Variants in CACHD1 observed in about 807,000 individuals in gnomAD.
The protein encoded by CACHD1 is VWFA and cache domain-containing protein 1.
In CACHD1, 71 loss-of-function variants were observed where a neutral mutation model predicts 138.7. The ratio of observed to expected loss-of-function variants is 0.51; its 90% CI spans 0.42 to 0.62. The LOEUF is 0.62. Among genes scored for constraint, CACHD1 ranks in the 20% least tolerant of loss-of-function variants. The pLI is 0.00. For missense variants in CACHD1, 1,389 were observed against 1,625.3 expected, an observed-to-expected ratio of 0.85 and a Z score of 2.50; for synonymous variants, 578 against 591.5, an observed-to-expected ratio of 0.98 and a Z score of 0.33.
At chr1:64,558,072 C>G (rs1646811918) in intron 2 of CACHD1, among the ~76,000 whole-genome samples, 1 of 152,182 alleles carries the variant, frequency 6.6e-6, no homozygotes, top group South Asian at 2.1e-4. Context: ...GCTGGGATTA[C>G]AGGCATGAGC....
chr1:64,615,564 G>T (rs796233984), intron 4 of CACHD1, among the ~76,000 whole-genome samples: 1 of 152,176 alleles, frequency 6.6e-6, no homozygotes, highest in African/African-American at 2.4e-5. Context: ...CTTGCCCATA[G>T]CACGTATACA....
chr1:64,600,713 A>G (rs1570405243), intron 3 of CACHD1, among the ~76,000 whole-genome samples: 1 of 152,252 alleles, frequency 6.6e-6, no homozygotes, highest in East Asian at 1.9e-4. Flanking sequence ...GAATAGAACA[A>G]TAATTTTAAA....
At chr1:64,531,117 G>A (rs955359158) in intron 1 of CACHD1, among the ~76,000 whole-genome samples, 1 of 152,018 alleles carries the variant, frequency 6.6e-6, no homozygotes, top group African/African-American at 2.4e-5. Context: ...CTTCTCTGCT[G>A]GCTTCATTCC....
intron 1 of CACHD1, among the ~76,000 whole-genome samples, chr1:64,476,393 T>C (rs1557454520): frequency 6.6e-6 from 1 of 152,254 alleles, no homozygotes; most frequent in Non-Finnish European, 1.5e-5. Flanking sequence ...TAATTTCCTC[T>C]AAATCACATG....
chr1:64,681,335 A>G lies in CACHD1; in HGVS notation c.3484A>G (p.Ile1162Val). 1 of 1,612,080 alleles carries G rather than the reference A, an allele frequency of 6.2e-7. No homozygotes were observed. The highest frequency in any genetic ancestry group is 8.5e-7 in the Non-Finnish European group (1 of 1,178,210). ...CGACAGCCACGAAGACAGAGGCATCAGTGAGTATTCAGCTGCCTTGCTGCA... is the reference window on the plus strand; with the variant it reads ...CGACAGCCACGAAGACAGAGGCATCGGTGAGTATTCAGCTGCCTTGCTGCA... ...DDDSHEDRGI[I>V]SNTRFIAAVI... Residue 1162 changes from isoleucine (I) to valine (V), a missense_variant and splice_region_variant, in exon 25 of 27, where the codon ATC (isoleucine) becomes GTC (valine). Coordinates refer to ENST00000651257, the MANE Select transcript of CACHD1 (RefSeq NM_020925.4).
intron 1 of CACHD1, among the ~76,000 whole-genome samples, chr1:64,478,618 A>C (rs1046002357): frequency 1.3e-5 from 2 of 152,186 alleles, no homozygotes; most frequent in African/African-American, 4.8e-5. Context: ...AAGACCCCAG[A>C]GCTCTGTCCT....
intron 9 of CACHD1, among the ~76,000 whole-genome samples, chr1:64,649,942 ATCCTCTGACTCCATGACATGAGGCT>A (rs1649034654): frequency 6.6e-6 from 1 of 152,208 alleles, no homozygotes. Context: ...TGAGTGCCAC[ATCCTCTGACTCCATGACATGAGGCT>A]TGATTCTAGG....
intron 1 of CACHD1, among the ~76,000 whole-genome samples, chr1:64,519,705 G>GTTAGTCTTATGACGAGCACGATGTTTTAA (rs1553128837): frequency 2.0e-5 from 3 of 152,266 alleles, no homozygotes; most frequent in African/African-American, 7.2e-5. Flanking sequence ...TGATGTTTTA[G>GTTAGTCTTATGACGAGCACGATGTTTTAA]TTAGTCTTAT....
chr1:64,622,241 C>T (rs1354299989), intron 4 of CACHD1, among the ~76,000 whole-genome samples: 1 of 152,196 alleles, frequency 6.6e-6, no homozygotes, highest in Admixed American at 6.5e-5. Flanking sequence ...AACCCCATCT[C>T]TTATCTAACA....
chr1:64,643,961 C>T (rs1326727385), intron 8 of CACHD1, among the ~76,000 whole-genome samples: 1 of 152,240 alleles, frequency 6.6e-6, no homozygotes, highest in African/African-American at 2.4e-5. Flanking sequence ...CCTCTTTGTC[C>T]CCTGGCACTT....
Position 64,681,254 on chromosome 1 carries a change from G to A in CACHD1, c.3407-4G>A. The A allele has an allele frequency of 1.2e-6, 2 of 1,611,042 alleles. No homozygotes were observed. Among genetic ancestry groups the A allele is most frequent in the Non-Finnish European group, 1.7e-6 (2 of 1,177,350 alleles). On this transcript the variant is annotated splice_region_variant and splice_polypyrimidine_tract_variant and intron_variant, in intron 24 of 26. Transcript: ENST00000651257. ...CATGTTTCTCTCTTTTTAATGATGG[G>A]TAGAAATGTCAGTGCGTATGTCCAA... is the stretch of plus-strand genomic sequence containing the variant.
chr1:64,483,865 C>T (rs1276173579), intron 1 of CACHD1, among the ~76,000 whole-genome samples: 2 of 14,462 alleles, frequency 1.4e-4, no homozygotes, highest in East Asian at 0.01. Flanking sequence ...CTTTTACCTT[C>T]CCCCCCCCCC....
chr1:64,634,018 G>GTTTTTTTTTTTT, intron 6 of CACHD1, 26 bp from the exon 7 acceptor site: 2 of 1,204,898 alleles, frequency 1.7e-6, no homozygotes, highest in Non-Finnish European at 2.3e-6. Flanking sequence ...AAGTTTGGTG[G>GTTTTTTTTTTTT]TTTTTTTTTT....
In CACHD1 at chr1:64,687,702, AG is replaced by A. The variant is rs1304351422; in HGVS notation, c.3587-3620del. Among the ~76,000 whole-genome samples, 3 of 152,092 alleles carry A rather than the reference AG, an allele frequency of 2.0e-5. No homozygotes were observed. The East Asian group carries it at 5.8e-4, about 29-fold the overall frequency. ...CCTAGAATGTCTGCATTATTAGATG[AG>A]ACTAGTGAATGTTGTACCAGGCAAA... On this transcript the variant is annotated intron_variant, in intron 26 of 26. Coordinates refer to ENST00000651257, the MANE Select transcript of CACHD1 (RefSeq NM_020925.4).
At chr1:64,511,042 G>A (rs1461526917) in intron 1 of CACHD1, among the ~76,000 whole-genome samples, 6 of 152,134 alleles carry the variant, frequency 3.9e-5, no homozygotes, top group African/African-American at 1.4e-4. Flanking sequence ...CTATGTGGCA[G>A]GTAAAACGCC....
chr1:64,605,845 T>C (rs886191039), intron 4 of CACHD1, among the ~76,000 whole-genome samples: 2 of 152,172 alleles, frequency 1.3e-5, no homozygotes, highest in African/African-American at 4.8e-5. Context: ...AGAAGTAGTG[T>C]TACTTTTTCT....
At chr1:64,643,662 C>T (rs1440917318) in intron 8 of CACHD1, among the ~76,000 whole-genome samples, 1 of 152,068 alleles carries the variant, frequency 6.6e-6, no homozygotes, top group East Asian at 1.9e-4. Context: ...CGGTGAAACC[C>T]CATCTCTGCT....
chr1:64,551,300 AT>A (rs1013724443), intron 2 of CACHD1, among the ~76,000 whole-genome samples: 3 of 147,758 alleles, frequency 2.0e-5, no homozygotes, highest in Non-Finnish European at 4.5e-5. Flanking sequence ...GTCAGATTCT[AT>A]TTACTTTATT....
In CACHD1 at chr1:64,691,721, C is replaced by T. The variant is rs1230042199; in HGVS notation, c.*160C>T. On this transcript the variant is annotated 3_prime_UTR_variant, in exon 27 of 27. Coordinates refer to ENST00000651257, the MANE Select transcript of CACHD1 (RefSeq NM_020925.4). ...TCCTGCCTGTCGACATGGTTAAAAACGAGAGAAACAACAACACAGTCACAT... is the reference window on the plus strand; with the variant it reads ...TCCTGCCTGTCGACATGGTTAAAAATGAGAGAAACAACAACACAGTCACAT... The T allele has an allele frequency of 1.7e-5, 11 of 631,934 alleles. No homozygotes were observed. Among genetic ancestry groups the T allele is most frequent in the South Asian group, 1.6e-4 (8 of 50,668 alleles). The allele number at this position is 631,934 out of a possible 1,614,324, so 39.1% of individuals were successfully genotyped here. A position where few individuals can be genotyped will look rare whatever the true frequency, so the allele number is the denominator to read the frequency against.
Sources: gnomAD v4.1 joint callset for allele counts (sites outside exome capture counted in the v4.1 genomes callset) on GRCh38, gnomAD v4.1.1 for gene constraint, MANE v1.5 for transcripts, NCBI Gene and HGNC (gene_info 2026-07-23, HGNC 2026-07-21) for gene names.